The following NALF1 variants were observed in gnomAD, a reference collection of about 807,000 sequenced individuals.
NALF1 encodes NALCN channel auxiliary factor 1.
NALF1 carries 3 observed loss-of-function variants against 48.4 expected under a neutral mutation model. That is an observed-to-expected ratio of 0.06 (90% CI 0.03 to 0.16). The LOEUF is 0.16. Ranked by LOEUF, NALF1 falls within the 10% of genes least tolerant of loss-of-function variation. The pLI is 1.00. For synonymous variants in NALF1, 262 were observed against 245.7 expected, an observed-to-expected ratio of 1.07 and a Z score of -0.62; for missense variants, 526 against 571.5, an observed-to-expected ratio of 0.92 and a Z score of 0.81.
intron 1 of NALF1, among the ~76,000 whole-genome samples, chr13:107,314,544 A>G (rs936717067): frequency 1.3e-5 from 2 of 152,050 alleles, no homozygotes; most frequent in South Asian, 2.1e-4. Context: ...CTCCTCATAC[A>G]TGACCCTCCC....
At chr13:107,736,305 A>G (rs1170747701) in intron 1 of NALF1, among the ~76,000 whole-genome samples, 10 of 152,110 alleles carry the variant, frequency 6.6e-5, no homozygotes, top group Admixed American at 5.2e-4. Context: ...AACAGAGTGC[A>G]GTGGCGGCGG....
chr13:107,395,621 A>C (rs1883699722), intron 1 of NALF1, among the ~76,000 whole-genome samples: 1 of 152,136 alleles, frequency 6.6e-6, no homozygotes, highest in African/African-American at 2.4e-5. Flanking sequence ...CTGAAACTGC[A>C]TTAGCTTGCT....
At chr13:107,463,697 G>T (rs1884955123) in intron 1 of NALF1, among the ~76,000 whole-genome samples, 1 of 152,274 alleles carries the variant, frequency 6.6e-6, no homozygotes, top group Non-Finnish European at 1.5e-5. Context: ...ATAAGGACAG[G>T]TGTTTGTGGA....
At chr13:107,296,233 C>A (rs529749999) in intron 1 of NALF1, among the ~76,000 whole-genome samples, 37 of 152,288 alleles carry the variant, frequency 2.4e-4, no homozygotes, top group African/African-American at 8.7e-4. Flanking sequence ...ATTTGTAATA[C>A]ATCCAGCTAC....
In NALF1 at chr13:107,165,656, T is replaced by C. The variant is rs1371433229; in HGVS notation, c.*4841A>G. 2 of 152,272 alleles carry C rather than the reference T, an allele frequency of 1.3e-5. No homozygotes were observed. The highest frequency in any genetic ancestry group is 3.8e-4 in the East Asian group (2 of 5,204). 9.4% of individuals were successfully genotyped at this position (152,272 alleles called of 1,614,324 possible). Reference sequence around the variant, plus strand: ...ATTTCTAGAATTTGTAGCTGTTTGATAGTTCTTATAAATGTCATGAAGACA... The same window carrying C: ...ATTTCTAGAATTTGTAGCTGTTTGACAGTTCTTATAAATGTCATGAAGACA... On this transcript the variant is annotated 3_prime_UTR_variant, in exon 3 of 3. Transcript: ENST00000375915.
intron 1 of NALF1, among the ~76,000 whole-genome samples, chr13:107,648,430 G>A (rs1281689904): frequency 2.0e-5 from 3 of 152,128 alleles, no homozygotes; most frequent in Non-Finnish European, 4.4e-5. Flanking sequence ...TTGTAATCAT[G>A]CAGTACATAG....
At chr13:107,457,362 T>G (rs1431012596) in intron 1 of NALF1, among the ~76,000 whole-genome samples, 1 of 152,188 alleles carries the variant, frequency 6.6e-6, no homozygotes. Context: ...AGATTACCTA[T>G]GAATGTAATA....
chr13:107,522,226 G>C (rs1566375931), intron 1 of NALF1, among the ~76,000 whole-genome samples: 1 of 151,940 alleles, frequency 6.6e-6, no homozygotes, highest in Non-Finnish European at 1.5e-5. Flanking sequence ...AATGCTATTG[G>C]ATATTTTTCT....
chr13:107,773,157 G>A (rs1877626226), intron 1 of NALF1, among the ~76,000 whole-genome samples: 1 of 152,114 alleles, frequency 6.6e-6, no homozygotes, highest in Admixed American at 6.5e-5. Context: ...GCCATGTGTT[G>A]TTAGAAGCTA....
At chr13:107,418,400 G>A (rs115293376) in intron 1 of NALF1, among the ~76,000 whole-genome samples, 21 of 152,224 alleles carry the variant, frequency 1.4e-4, no homozygotes, top group African/African-American at 5.1e-4. Flanking sequence ...TTGTGCTTGT[G>A]GCTTGCAGCT....
intron 1 of NALF1, among the ~76,000 whole-genome samples, chr13:107,364,082 T>C (rs1211183759): frequency 6.6e-6 from 1 of 152,242 alleles, no homozygotes; most frequent in African/African-American, 2.4e-5. Flanking sequence ...AAGATCATAT[T>C]TGGAATGTTT....
intron 1 of NALF1, among the ~76,000 whole-genome samples, chr13:107,513,763 A>G (rs968106664): frequency 6.6e-6 from 1 of 152,238 alleles, no homozygotes; most frequent in Non-Finnish European, 1.5e-5. Flanking sequence ...TTGGACCTGC[A>G]GGAGAACAGG....
intron 1 of NALF1, among the ~76,000 whole-genome samples, chr13:107,775,327 T>C (rs376850398): frequency 0.01 from 1,566 of 149,312 alleles, 28 homozygotes; most frequent in African/African-American, 0.034. Context: ...GTTCTTGCGA[T>C]AGTTTACTGA....
At chr13:107,236,047 C>G (rs1360625481) in intron 1 of NALF1, among the ~76,000 whole-genome samples, 1 of 152,192 alleles carries the variant, frequency 6.6e-6, no homozygotes, top group African/African-American at 2.4e-5. Flanking sequence ...CAGTCCCTCA[C>G]TGTCTCCTAA....
At chr13:107,726,300 C>G (rs575468801) in intron 1 of NALF1, among the ~76,000 whole-genome samples, 1 of 152,214 alleles carries the variant, frequency 6.6e-6, no homozygotes, top group East Asian at 1.9e-4. Context: ...TAGCCAGAAA[C>G]AAGATGAAGT....
At chr13:107,271,226 A>T (rs1881158061) in intron 1 of NALF1, among the ~76,000 whole-genome samples, 1 of 152,148 alleles carries the variant, frequency 6.6e-6, no homozygotes, top group South Asian at 2.1e-4. Flanking sequence ...TAATCATTTG[A>T]CCTTAATATA....
At chr13:107,238,090 A>T (rs1880390777) in intron 1 of NALF1, among the ~76,000 whole-genome samples, 1 of 152,234 alleles carries the variant, frequency 6.6e-6, no homozygotes, top group South Asian at 2.1e-4. Flanking sequence ...CTAACCGTTT[A>T]AAATAAGGCT....
chr13:107,533,726 T>G (rs1194616602), intron 1 of NALF1, among the ~76,000 whole-genome samples: 2 of 152,006 alleles, frequency 1.3e-5, no homozygotes, highest in African/African-American at 4.8e-5. Context: ...AAACACACTC[T>G]CCAACAAAGC....
chr13:107,507,677 C>T (rs1220662198), intron 1 of NALF1, among the ~76,000 whole-genome samples: 2 of 148,802 alleles, frequency 1.3e-5, no homozygotes, highest in East Asian at 4.0e-4. Context: ...TCTAGAGTGC[C>T]AAAATCAGGC....
Sources: gnomAD v4.1 joint callset for allele counts (sites outside exome capture counted in the v4.1 genomes callset) on GRCh38, gnomAD v4.1.1 for gene constraint, MANE v1.5 for transcripts, NCBI Gene and HGNC (gene_info 2026-07-23, HGNC 2026-07-21) for gene names.